PKIB: variants seen among roughly 807,000 people sequenced by gnomAD.
PKIB encodes the protein PKI-beta.
PKIB carries 2 observed loss-of-function variants against 4.5 expected under a neutral mutation model. The ratio of observed to expected loss-of-function variants is 0.44; its 90% CI spans 0.18 to 1.39. The LOEUF is 1.39. Ranked by LOEUF, PKIB falls within the 40% of genes most tolerant of loss-of-function variation. The pLI is 0.27. For missense variants in PKIB, 94 were observed against 92.6 expected (o/e 1.02, Z -0.06); for synonymous variants, 38 against 36.0 (o/e 1.06, Z -0.20).
chr6:122,484,206 G>A (rs555611625), intron 2 of PKIB: 3 of 151,862 alleles, frequency 2.0e-5, no homozygotes, highest in African/African-American at 7.2e-5. Context: ...AACCACTCTT[G>A]CAGTAAATAT....
chr6:122,510,296 T>C (rs1776544419), intron 2 of PKIB, among the ~76,000 whole-genome samples: 1 of 152,198 alleles, frequency 6.6e-6, no homozygotes, highest in South Asian at 2.1e-4. Flanking sequence ...GTCATCCATA[T>C]AATGAATGAT....
At chr6:122,526,137 C>T (rs1042885568) in intron 2 of PKIB, among the ~76,000 whole-genome samples, 24 of 152,110 alleles carry the variant, frequency 1.6e-4, no homozygotes, top group African/African-American at 5.6e-4. Flanking sequence ...GCAATTCTGC[C>T]ACCTCTTTTG....
At chr6:122,690,140 T>G (rs1778268508) in intron 3 of PKIB, among the ~76,000 whole-genome samples, 1 of 152,060 alleles carries the variant, frequency 6.6e-6, no homozygotes, top group Non-Finnish European at 1.5e-5. Context: ...GTGTGTGTCT[T>G]TGTAGGTGAA....
intron 1 of PKIB, among the ~76,000 whole-genome samples, chr6:122,476,132 T>C (rs909572787): frequency 2.0e-5 from 3 of 152,202 alleles, no homozygotes; most frequent in African/African-American, 7.2e-5. Context: ...CTGAAACATC[T>C]TGGCCCCCCC....
chr6:122,573,883 A>T (rs1773449521), intron 2 of PKIB, among the ~76,000 whole-genome samples: 1 of 152,202 alleles, frequency 6.6e-6, no homozygotes, highest in African/African-American at 2.4e-5. Flanking sequence ...GCACACTTTC[A>T]CCACTTCTGT....
intron 3 of PKIB, among the ~76,000 whole-genome samples, chr6:122,716,375 T>G (rs2115069282): frequency 6.6e-6 from 1 of 152,316 alleles, no homozygotes; most frequent in Non-Finnish European, 1.5e-5. Context: ...ACCAATAGTC[T>G]AGTGCTCTTT....
intron 3 of PKIB, among the ~76,000 whole-genome samples, chr6:122,588,822 G>A (rs1486167835): frequency 1.3e-5 from 2 of 152,094 alleles, no homozygotes; most frequent in Admixed American, 6.6e-5. Flanking sequence ...AAATAATCTA[G>A]TCCTATCTCC....
At chr6:122,578,802 C>T (rs1773623861) in intron 2 of PKIB, among the ~76,000 whole-genome samples, 1 of 152,148 alleles carries the variant, frequency 6.6e-6, no homozygotes, top group Non-Finnish European at 1.5e-5. Flanking sequence ...TGGGAGGGAC[C>T]TGGTGGAAGG....
intron 2 of PKIB, among the ~76,000 whole-genome samples, chr6:122,635,780 T>A (rs1269184784): frequency 2.6e-5 from 4 of 152,024 alleles, no homozygotes; most frequent in African/African-American, 9.7e-5. Flanking sequence ...TGACATTTGA[T>A]AAAATGCAAC....
chr6:122,700,251 C>CTTTTTTT (rs34063696), intron 3 of PKIB, among the ~76,000 whole-genome samples: 1 of 94,328 alleles, frequency 1.1e-5, no homozygotes, highest in Admixed American at 1.1e-4. Context: ...TCTTTTCTTT[C>CTTTTTTT]TTTTTTTTTT....
chr6:122,661,630 G>A lies in PKIB; in HGVS notation c.-75-13448G>A, dbSNP rs543025291. Among the ~76,000 whole-genome samples the A allele has an allele frequency of 5.8e-4, 88 of 151,816 alleles. No individual in the cohort carries two copies. In the South Asian group the frequency reaches 6.7e-3, roughly 12 times the overall value. ...ACATTTGTGTTTTTTCCACTTTTTG[G>A]CTATTATGAGTAACATTGCTATGAA... On this transcript the variant is annotated intron_variant, in intron 2 of 4. Transcript: ENST00000368452.
At chr6:122,649,075 C>T (rs1023182196) in intron 2 of PKIB, among the ~76,000 whole-genome samples, 3 of 152,200 alleles carry the variant, frequency 2.0e-5, no homozygotes, top group Non-Finnish European at 4.4e-5. Context: ...CTGCTGAGGT[C>T]ATCTTTTGGT....
At chr6:122,623,503 C>T (rs1221203683) in intron 1 of PKIB, among the ~76,000 whole-genome samples, 1 of 152,174 alleles carries the variant, frequency 6.6e-6, no homozygotes, top group Non-Finnish European at 1.5e-5. Flanking sequence ...CTTTCCCTCC[C>T]ACCACTTTTT....
chr6:122,607,261 C>T (rs1412428817), upstream of PKIB, among the ~76,000 whole-genome samples: 1 of 151,860 alleles, frequency 6.6e-6, no homozygotes, highest in Non-Finnish European at 1.5e-5. Context: ...ATCGCTTGAG[C>T]CCAGGAGTTC....
intron 2 of PKIB, among the ~76,000 whole-genome samples, chr6:122,516,496 C>T (rs1776757282): frequency 6.6e-6 from 1 of 152,164 alleles, no homozygotes; most frequent in Non-Finnish European, 1.5e-5. Flanking sequence ...GTTAAGATGA[C>T]TTCTTGGGTA....
intron 4 of PKIB, among the ~76,000 whole-genome samples, chr6:122,724,208 T>A (rs1349667327): frequency 6.6e-6 from 1 of 152,264 alleles, no homozygotes; most frequent in South Asian, 2.1e-4. Context: ...TTAAAGACAG[T>A]AGTGACTTGT....
intron 2 of PKIB, among the ~76,000 whole-genome samples, chr6:122,496,269 A>C (rs155459): frequency 0.99 from 150,618 of 152,272 alleles, 74,495 homozygotes; most frequent in Middle Eastern, 1. Context: ...AAAGACCCTA[A>C]CCAACACATT....
chr6:122,480,885 ATTGTAC>A (rs1331556457), intron 2 of PKIB: 3 of 151,630 alleles, frequency 2.0e-5, no homozygotes, highest in African/African-American at 7.3e-5. Flanking sequence ...ATAAAGTGAT[ATTGTAC>A]ATACCACAAA....
intron 2 of PKIB, among the ~76,000 whole-genome samples, chr6:122,584,119 A>G (rs1052816570): frequency 6.6e-6 from 1 of 152,176 alleles, no homozygotes; most frequent in Admixed American, 6.6e-5. Context: ...AAAGGTTGAC[A>G]GTGTGAAAAA....
Sources: gnomAD v4.1 joint callset for allele counts (sites outside exome capture counted in the v4.1 genomes callset) on GRCh38, gnomAD v4.1.1 for gene constraint, MANE v1.5 for transcripts, NCBI Gene and HGNC (gene_info 2026-07-23, HGNC 2026-07-21) for gene names.